Variants in B3GLCT observed in about 807,000 individuals in gnomAD.
The protein encoded by B3GLCT is beta 3-glucosyltransferase, also known as beta-1,3-glucosyltransferase.
B3GLCT carries 65 observed loss-of-function variants against 63.4 expected under a neutral mutation model. The observed-to-expected ratio is 1.03, with a 90% CI of 0.84 to 1.26. The LOEUF is 1.26. Ranked by LOEUF, B3GLCT falls within the 50% of genes most tolerant of loss-of-function variation. The pLI is 0.00. For missense variants in B3GLCT, 577 were observed against 604.8 expected (o/e 0.95, Z 0.48); for synonymous variants, 233 against 219.2 (o/e 1.06, Z -0.55).
intron 6 of B3GLCT, among the ~76,000 whole-genome samples, chr13:31,254,214 GAC>G (rs1411903123): frequency 2.0e-5 from 3 of 152,118 alleles, no homozygotes; most frequent in Admixed American, 2.0e-4. Flanking sequence ...ACCTGGCAGA[GAC>G]ACAACAATAA....
chr13:31,280,572 GAGA>G (rs1873023136), intron 10 of B3GLCT, among the ~76,000 whole-genome samples: 1 of 152,196 alleles, frequency 6.6e-6, no homozygotes, highest in African/African-American at 2.4e-5. Context: ...CTTCTGGGAT[GAGA>G]AGGAGAGATG....
Position 31,202,732 on chromosome 13 carries a change from G to C in B3GLCT, c.70+2578G>C, listed in dbSNP as rs527708243. 1.4e-4 allele frequency among the ~76,000 whole-genome samples: 22 copies of C among 152,280 alleles called. No individual in the cohort carries two copies. In the South Asian group the frequency reaches 3.1e-3, roughly 22 times the overall value. ...GGTGGCTGACTCAGCTGGGATGCAG[G>C]CCTTTTTGCTCTGTGTTATCCTCCT... On this transcript the variant is annotated intron_variant, in intron 1 of 14. Coordinates refer to ENST00000343307, the MANE Select transcript of B3GLCT (RefSeq NM_194318.4).
At chr13:31,212,104 G>A (rs1869289444) in intron 1 of B3GLCT, among the ~76,000 whole-genome samples, 1 of 151,464 alleles carries the variant, frequency 6.6e-6, no homozygotes, top group Non-Finnish European at 1.5e-5. Context: ...AGGGGTAGAT[G>A]GAAAATTTTT....
intron 14 of B3GLCT, among the ~76,000 whole-genome samples, 171 bp downstream of exon 14, chr13:31,324,066 C>T (rs1418764297): frequency 6.6e-6 from 1 of 152,214 alleles, no homozygotes. Context: ...GATGTACACA[C>T]TGTCTCATGT....
intron 5 of B3GLCT, 66 bp downstream of exon 5, chr13:31,247,165 CT>C: frequency 7.8e-7 from 1 of 1,278,644 alleles, no homozygotes; most frequent in Non-Finnish European, 1.1e-6. Flanking sequence ...CGCCCTTAGT[CT>C]TTTTATTAAG....
At chr13:31,235,350 A>G (rs1297983063) in intron 4 of B3GLCT, among the ~76,000 whole-genome samples, 1 of 152,226 alleles carries the variant, frequency 6.6e-6, no homozygotes, top group African/African-American at 2.4e-5. Flanking sequence ...AGTCAGCAGC[A>G]TACATAGGTA....
rs2137958241 is a variant in B3GLCT, at chr13:31,329,735, T to C, written c.*67T>C. ...TGGAGACTGTGGCCTCATCCCACTG[T>C]GCTGTGCTCACAACACTTGTGTCTG... On this transcript the variant is annotated 3_prime_UTR_variant, in exon 15 of 15. Coordinates refer to ENST00000343307, the MANE Select transcript of B3GLCT (RefSeq NM_194318.4). The C allele has an allele frequency of 6.4e-7, 1 of 1,561,876 alleles. No individual in the cohort carries two copies. Among genetic ancestry groups the C allele is most frequent in the Non-Finnish European group, 8.8e-7 (1 of 1,137,250 alleles).
Position 31,329,795 on chromosome 13 carries a change from G to GA in B3GLCT, c.*128dup. On this transcript the variant is annotated 3_prime_UTR_variant, in exon 15 of 15. Coordinates refer to ENST00000343307, the MANE Select transcript of B3GLCT (RefSeq NM_194318.4). ...ATTGGGTGCTTCCTGACTTTAGGGGGAGATTTTATGTATGGTATTTTTTGA... is the reference window on the plus strand; with the variant it reads ...ATTGGGTGCTTCCTGACTTTAGGGGGAAGATTTTATGTATGGTATTTTTTGA... The GA allele has an allele frequency of 1.0e-6, 1 of 1,003,556 alleles. No individual in the cohort carries two copies. The highest frequency in any genetic ancestry group is 2.1e-5 in the Admixed American group (1 of 47,768). The allele number at this position is 1,003,556 out of a possible 1,614,324, so 62.2% of individuals were successfully genotyped here.
At chr13:31,281,334 G>C (rs1240404204) in intron 10 of B3GLCT, among the ~76,000 whole-genome samples, 4 of 152,068 alleles carry the variant, frequency 2.6e-5, no homozygotes, top group African/African-American at 7.2e-5. Context: ...GTCTTGTCTA[G>C]AGGCAAATCT....
intron 8 of B3GLCT, among the ~76,000 whole-genome samples, chr13:31,273,836 G>C (rs1593289568): frequency 6.6e-6 from 1 of 152,318 alleles, no homozygotes; most frequent in Admixed American, 6.5e-5. Context: ...CAAAATCTAA[G>C]AGGAGATTTA....
intron 12 of B3GLCT, among the ~76,000 whole-genome samples, chr13:31,299,008 G>T (rs1201367213): frequency 6.6e-6 from 1 of 152,212 alleles, no homozygotes; most frequent in Non-Finnish European, 1.5e-5. Flanking sequence ...GAAAGAAAAG[G>T]TTTTAGTGAT....
intron 4 of B3GLCT, 29 bp downstream of exon 4, chr13:31,229,323 A>G: frequency 3.8e-6 from 5 of 1,311,826 alleles, no homozygotes; most frequent in Non-Finnish European, 4.4e-6. Context: ...GGGGTCTGCC[A>G]GTTATGTATT....
intron 3 of B3GLCT, among the ~76,000 whole-genome samples, chr13:31,225,654 G>C (rs1469323832): frequency 6.6e-6 from 1 of 152,076 alleles, no homozygotes; most frequent in Non-Finnish European, 1.5e-5. Context: ...ACCCCCATGC[G>C]TCCTGTTCCT....
At chr13:31,210,791 C>T (rs1869216092) in intron 1 of B3GLCT, among the ~76,000 whole-genome samples, 1 of 152,134 alleles carries the variant, frequency 6.6e-6, no homozygotes, top group Non-Finnish European at 1.5e-5. Context: ...GTCACCCAGG[C>T]TGGAGTGAAG....
chr13:31,255,964 A>T (rs1232173660), intron 6 of B3GLCT, among the ~76,000 whole-genome samples: 6 of 152,350 alleles, frequency 3.9e-5, no homozygotes, highest in East Asian at 1.9e-4. Flanking sequence ...TAAACTAAAG[A>T]GCTTCTGCAC....
chr13:31,254,040 C>G (rs1871587302), intron 6 of B3GLCT, among the ~76,000 whole-genome samples: 1 of 152,062 alleles, frequency 6.6e-6, no homozygotes, highest in Non-Finnish European at 1.5e-5. Context: ...AATTAATAGC[C>G]TACCAAACAA....
intron 5 of B3GLCT, 143 bp downstream of exon 5, chr13:31,247,242 T>G: frequency 1.5e-6 from 1 of 684,612 alleles, no homozygotes; most frequent in South Asian, 1.7e-5. Context: ...GATTACTACC[T>G]TAACCAAATT....
intron 12 of B3GLCT, among the ~76,000 whole-genome samples, chr13:31,316,195 A>G (rs1429714797): frequency 6.6e-5 from 10 of 151,666 alleles, no homozygotes; most frequent in African/African-American, 2.4e-4. Context: ...GAAGAGGGCC[A>G]CCATCTTCCA....
At chr13:31,226,202 T>C (rs146490089) in intron 3 of B3GLCT, among the ~76,000 whole-genome samples, 2,857 of 152,346 alleles carry the variant, frequency 0.019, 39 homozygotes, top group South Asian at 0.036. Flanking sequence ...GGCTTTCCAC[T>C]TACTGCTTTG....
Sources: gnomAD v4.1 joint callset for allele counts (sites outside exome capture counted in the v4.1 genomes callset) on GRCh38, gnomAD v4.1.1 for gene constraint, MANE v1.5 for transcripts, NCBI Gene and HGNC (gene_info 2026-07-23, HGNC 2026-07-21) for gene names.